RBX1: variants seen among roughly 807,000 people sequenced by gnomAD.
The protein encoded by RBX1 is E3 ubiquitin-protein ligase RBX1.
For missense variants in RBX1, 46 were observed against 141.4 expected, an observed-to-expected ratio of 0.33 and a Z score of 3.42; for synonymous variants, 48 against 47.9, an observed-to-expected ratio of 1.00 and a Z score of -0.01.
intron 2 of RBX1, among the ~76,000 whole-genome samples, chr22:40,954,118 AAT>A (rs2058318613): frequency 6.6e-6 from 1 of 152,010 alleles, no homozygotes; most frequent in Non-Finnish European, 1.5e-5. Flanking sequence ...AAAATACAAA[AAT>A]TAGCTGGGCG....
At chr22:40,954,232 G>T (rs1238326278) in intron 2 of RBX1, among the ~76,000 whole-genome samples, 1 of 150,016 alleles carries the variant, frequency 6.7e-6, no homozygotes, top group African/African-American at 2.5e-5. Flanking sequence ...TCACACCACT[G>T]CACTACAACC....
At chr22:40,953,147 G>A (rs1187981682) in intron 1 of RBX1, among the ~76,000 whole-genome samples, 2 of 151,994 alleles carry the variant, frequency 1.3e-5, no homozygotes, top group East Asian at 1.9e-4. Context: ...CCCGCCACCA[G>A]GCCTGGCTAA....
At chr22:40,962,878 A>G (rs1267765945) in intron 2 of RBX1, among the ~76,000 whole-genome samples, 1 of 125,884 alleles carries the variant, frequency 7.9e-6, no homozygotes, top group African/African-American at 3.2e-5. Flanking sequence ...TTTTTTTTTT[A>G]GTAGAGACGG....
At chr22:40,955,227 C>T (rs2058322059) in intron 2 of RBX1, among the ~76,000 whole-genome samples, 1 of 151,332 alleles carries the variant, frequency 6.6e-6, no homozygotes. Flanking sequence ...TAAGCCAGTA[C>T]AAACACGTAT....
At chr22:40,956,329 A>C (rs1800379319) in intron 2 of RBX1, among the ~76,000 whole-genome samples, 1 of 151,934 alleles carries the variant, frequency 6.6e-6, no homozygotes, top group South Asian at 2.1e-4. Context: ...TATCCAATGA[A>C]TATATCCTGA....
intron 4 of RBX1, 131 bp downstream of exon 4, chr22:40,968,015 G>A: frequency 1.8e-6 from 1 of 564,966 alleles, no homozygotes. Context: ...CTTAAGCTAG[G>A]ACTTATCTAT....
At chr22:40,966,594 C>A (rs759463502) in intron 3 of RBX1, 1 of 152,192 alleles carries the variant, frequency 6.6e-6, no homozygotes, top group East Asian at 1.9e-4. Flanking sequence ...AATATTTGTC[C>A]TCTTGGGTAT....
At chr22:40,955,631 A>G (rs887222952) in intron 2 of RBX1, among the ~76,000 whole-genome samples, 1 of 152,242 alleles carries the variant, frequency 6.6e-6, no homozygotes, top group African/African-American at 2.4e-5. Flanking sequence ...CTCAGTAGTC[A>G]CATGTGGTTA....
intron 4 of RBX1, among the ~76,000 whole-genome samples, chr22:40,968,972 C>CT (rs1314903996): frequency 2.0e-5 from 3 of 147,114 alleles, no homozygotes; most frequent in Non-Finnish European, 1.5e-5. Context: ...TTTTTCTTTT[C>CT]TTTTTTTATT....
In RBX1 at chr22:40,961,305, G is replaced by A. The variant is rs185533511; in HGVS notation, c.158-2742G>A. ...TTGCTGTGTTGCCCAGCCTGGTCTT[G>A]AATTCGTGGGCTAAAGTGATCCTGC... On this transcript the variant is annotated intron_variant, in intron 2 of 4. Transcript: ENST00000216225. 2.9e-3 allele frequency among the ~76,000 whole-genome samples: 447 copies of A among 151,846 alleles called. 1 individual carries two copies. The highest frequency in any genetic ancestry group is 0.011 in the African/African-American group (438 of 41,422).
At chr22:40,955,131 A>G (rs2058321793) in intron 2 of RBX1, among the ~76,000 whole-genome samples, 1 of 152,138 alleles carries the variant, frequency 6.6e-6, no homozygotes, top group South Asian at 2.1e-4. Context: ...TAGAGCCCTT[A>G]AATAGCCTAG....
chr22:40,954,096 C>G (rs2058318562), intron 2 of RBX1, among the ~76,000 whole-genome samples: 1 of 152,084 alleles, frequency 6.6e-6, no homozygotes. Context: ...TGGTGAAACC[C>G]TGTCTCTACT....
intron 2 of RBX1, among the ~76,000 whole-genome samples, chr22:40,962,035 C>T (rs1424891120): frequency 1.3e-5 from 2 of 152,106 alleles, no homozygotes; most frequent in South Asian, 2.1e-4. Flanking sequence ...CCGTCACCCT[C>T]GTCCTTCCAA....
chr22:40,970,526 G>A (rs1311715534), intron 4 of RBX1, among the ~76,000 whole-genome samples: 2 of 152,052 alleles, frequency 1.3e-5, no homozygotes, highest in East Asian at 1.9e-4. Flanking sequence ...ACTCTGATAG[G>A]TGACAATCAG....
chr22:40,965,043 G>A (rs533981859), intron 3 of RBX1, among the ~76,000 whole-genome samples: 10 of 152,310 alleles, frequency 6.6e-5, no homozygotes, highest in Admixed American at 5.9e-4. Context: ...GGTGGCTCAC[G>A]CCTGTAATCC....
At chr22:40,952,796 TATTTA>T (rs1289047285) in intron 1 of RBX1, among the ~76,000 whole-genome samples, 1 of 152,174 alleles carries the variant, frequency 6.6e-6, no homozygotes, top group Non-Finnish European at 1.5e-5. Flanking sequence ...CTGACACGGG[TATTTA>T]ATTATCCAGC....
intron 2 of RBX1, among the ~76,000 whole-genome samples, chr22:40,961,193 T>C (rs915247270): frequency 6.8e-6 from 1 of 147,924 alleles, no homozygotes; most frequent in Non-Finnish European, 1.5e-5. Flanking sequence ...GCTCAAGCCA[T>C]TCTCCTGCCT....
chr22:40,959,607 G>T (rs1295261621), intron 2 of RBX1, among the ~76,000 whole-genome samples: 1 of 152,104 alleles, frequency 6.6e-6, no homozygotes, highest in Admixed American at 6.5e-5. Context: ...GGCCAGAAGT[G>T]CAAGACCAGC....
chr22:40,964,011 C>T, intron 2 of RBX1, 36 bp from the exon 3 acceptor site: 1 of 1,560,850 alleles, frequency 6.4e-7, no homozygotes, highest in Non-Finnish European at 8.8e-7. Flanking sequence ...TTGCTGCTCC[C>T]AAGGTCCAGT....
Sources: allele counts gnomAD v4.1 joint callset (sites outside exome capture counted in the v4.1 genomes callset), GRCh38; gene constraint gnomAD v4.1.1; transcripts MANE v1.5; gene names NCBI Gene and HGNC (gene_info 2026-07-23, HGNC 2026-07-21).